The following NRXN3 variants were observed in gnomAD, a reference collection of about 807,000 sequenced individuals.
NRXN3 encodes the protein neurexin III.
A neutral mutation model predicts 137.6 loss-of-function variants in NRXN3; 32 were observed. The ratio of observed to expected loss-of-function variants is 0.23; its 90% CI spans 0.18 to 0.31. The LOEUF (loss-of-function observed/expected upper bound fraction) is 0.31, where lower values mean the gene tolerates loss of function less well. NRXN3 is among the 10% of genes least tolerant of loss of function. The probability of loss-of-function intolerance (pLI) is 1.00; values close to 1 mark genes in which losing one functional copy is unlikely to be tolerated. For missense variants in NRXN3, 1,574 were observed against 2,062.5 expected, an observed-to-expected ratio of 0.76 and a Z score of 4.59; for synonymous variants, 798 against 784.5, an observed-to-expected ratio of 1.02 and a Z score of -0.29.
At chr14:78,844,136 C>T (rs2099020150) in intron 10 of NRXN3, among the ~76,000 whole-genome samples, 1 of 152,104 alleles carries the variant, frequency 6.6e-6, no homozygotes, top group South Asian at 2.1e-4. Flanking sequence ...GTGCTCAGCA[C>T]TCTTTGGCTT....
chr14:79,661,192 C>T (rs1372874557), intron 16 of NRXN3, among the ~76,000 whole-genome samples: 1 of 152,080 alleles, frequency 6.6e-6, no homozygotes, highest in African/African-American at 2.4e-5. Flanking sequence ...GCGGTTTCAA[C>T]AAACAGATTT....
intron 15 of NRXN3, among the ~76,000 whole-genome samples, chr14:79,084,806 G>T (rs1026031086): frequency 1.3e-5 from 2 of 152,146 alleles, no homozygotes; most frequent in Admixed American, 1.3e-4. Flanking sequence ...GCTTCAGTGA[G>T]TTGGTCCCTT....
intron 15 of NRXN3, among the ~76,000 whole-genome samples, chr14:79,166,256 A>G (rs900344974): frequency 6.6e-6 from 1 of 151,918 alleles, no homozygotes; most frequent in African/African-American, 2.4e-5. Context: ...AGTAGTTAAA[A>G]AGTAGTACAA....
chr14:79,652,305 C>T (rs1325219183), intron 16 of NRXN3, among the ~76,000 whole-genome samples: 1 of 148,774 alleles, frequency 6.7e-6, no homozygotes, highest in African/African-American at 2.6e-5. Context: ...TTGTAGCTCA[C>T]TCATAAAGAA....
At chr14:78,749,467 T>A (rs725693) in intron 8 of NRXN3, among the ~76,000 whole-genome samples, 1 of 151,958 alleles carries the variant, frequency 6.6e-6, no homozygotes, top group Non-Finnish European at 1.5e-5. Context: ...CGAGTCCTGC[T>A]GCTGATTGCT....
At chr14:78,727,093 A>G (rs1322314856) in intron 8 of NRXN3, among the ~76,000 whole-genome samples, 1 of 151,734 alleles carries the variant, frequency 6.6e-6, no homozygotes, top group Non-Finnish European at 1.5e-5. Flanking sequence ...CAGGTTTTCC[A>G]CTGAAATGTT....
In NRXN3 at chr14:79,358,479, C is replaced by T. The variant is rs148541169; in HGVS notation, c.3263-108742C>T. On this transcript the variant is annotated intron_variant, in intron 15 of 20. Coordinates refer to ENST00000335750, the MANE Select transcript of NRXN3 (RefSeq NM_001330195.2). Reference sequence around the variant, plus strand: ...GTCCCAGCTGCTCCGGAGGCTGAGGCGGGAGAATGGTGTGAACCTGGGAGG... The same window carrying T: ...GTCCCAGCTGCTCCGGAGGCTGAGGTGGGAGAATGGTGTGAACCTGGGAGG... 5.5e-4 allele frequency among the ~76,000 whole-genome samples: 81 copies of T among 146,382 alleles called. No individual in the cohort carries two copies. In the East Asian group the frequency reaches 6.8e-3, roughly 12 times the overall value.
At chr14:79,210,590 G>A (rs1188910601) in intron 15 of NRXN3, among the ~76,000 whole-genome samples, 2 of 152,070 alleles carry the variant, frequency 1.3e-5, no homozygotes, top group Non-Finnish European at 2.9e-5. Flanking sequence ...GATATTATTA[G>A]TCTCATTAAG....
intron 16 of NRXN3, among the ~76,000 whole-genome samples, chr14:79,616,714 G>T (rs892066368): frequency 6.6e-6 from 1 of 152,148 alleles, no homozygotes; most frequent in Non-Finnish European, 1.5e-5. Context: ...CTTGAGAAAT[G>T]TCTGTAAAGT....
chr14:78,983,818 C>T (rs865906421), intron 14 of NRXN3, among the ~76,000 whole-genome samples: 18 of 145,402 alleles, frequency 1.2e-4, no homozygotes, highest in African/African-American at 4.2e-4. Flanking sequence ...GATCATGCCA[C>T]TGCACTCCAG....
At chr14:79,224,474 A>C (rs1322368784) in intron 15 of NRXN3, among the ~76,000 whole-genome samples, 2 of 152,176 alleles carry the variant, frequency 1.3e-5, no homozygotes, top group African/African-American at 4.8e-5. Flanking sequence ...ACATATTCTT[A>C]TCACTTCACA....
intron 4 of NRXN3, among the ~76,000 whole-genome samples, chr14:78,638,763 A>G (rs1046825972): frequency 6.6e-6 from 1 of 152,108 alleles, no homozygotes; most frequent in African/African-American, 2.4e-5. Context: ...ACGAACTCAT[A>G]CTTGCCTTGT....
chr14:78,206,553 A>G (rs948907421), intron 1 of NRXN3, among the ~76,000 whole-genome samples: 10 of 151,256 alleles, frequency 6.6e-5, no homozygotes, highest in African/African-American at 2.0e-4. Flanking sequence ...CCAAGAGAGG[A>G]AAAAAAAGAG....
chr14:78,578,340 A>G (rs990678982), intron 4 of NRXN3, among the ~76,000 whole-genome samples: 3 of 152,208 alleles, frequency 2.0e-5, no homozygotes, highest in East Asian at 1.9e-4. Flanking sequence ...ATTTCTTGCT[A>G]TGAGTAATTG....
At chr14:79,360,250 A>T (rs1011515661) in intron 15 of NRXN3, among the ~76,000 whole-genome samples, 3 of 152,112 alleles carry the variant, frequency 2.0e-5, no homozygotes, top group Non-Finnish European at 4.4e-5. Context: ...TAACAACATA[A>T]TTTTTTCTCT....
At chr14:79,084,145 C>A (rs1476747565) in intron 15 of NRXN3, among the ~76,000 whole-genome samples, 1 of 152,032 alleles carries the variant, frequency 6.6e-6, no homozygotes, top group East Asian at 1.9e-4. Context: ...AACTCCTGGC[C>A]TTAAGTGTTC....
chr14:79,859,171 A>G (rs1215551754), intron 20 of NRXN3, among the ~76,000 whole-genome samples: 2 of 152,144 alleles, frequency 1.3e-5, no homozygotes, highest in Non-Finnish European at 2.9e-5. Context: ...ATTTCATAGT[A>G]AAATTATCAC....
chr14:79,713,496 A>T (rs1055471814), intron 19 of NRXN3, among the ~76,000 whole-genome samples: 3 of 145,574 alleles, frequency 2.1e-5, no homozygotes, highest in Non-Finnish European at 4.5e-5. Flanking sequence ...ATATATATAT[A>T]TTTGAACATT....
intron 15 of NRXN3, among the ~76,000 whole-genome samples, chr14:79,412,857 G>A (rs1399422328): frequency 7.1e-6 from 1 of 140,390 alleles, no homozygotes; most frequent in East Asian, 2.1e-4. Context: ...GTTAAAATAA[G>A]AAGGGGCTAA....
Sources: gnomAD v4.1 joint callset for allele counts (sites outside exome capture counted in the v4.1 genomes callset) on GRCh38, gnomAD v4.1.1 for gene constraint, MANE v1.5 for transcripts, NCBI Gene and HGNC (gene_info 2026-07-23, HGNC 2026-07-21) for gene names.